The following KCNH1 variants were observed in gnomAD, a reference collection of about 807,000 sequenced individuals.
The protein encoded by KCNH1 is voltage-gated delayed rectifier potassium channel KCNH1.
A neutral mutation model predicts 69.2 loss-of-function variants in KCNH1; 27 were observed. The ratio of observed to expected loss-of-function variants is 0.39; its 90% CI spans 0.29 to 0.54. The LOEUF (loss-of-function observed/expected upper bound fraction) is 0.54, where lower values mean the gene tolerates loss of function less well. Among genes scored for constraint, KCNH1 ranks in the 20% least tolerant of loss-of-function variants. KCNH1 has a pLI of 0.68. For synonymous variants in KCNH1, 456 were observed against 487.7 expected (o/e 0.93, Z 0.86); for missense variants, 798 against 1,261.6 (o/e 0.63, Z 5.57).
chr1:210,719,058 A>T (rs890847278), intron 10 of KCNH1, among the ~76,000 whole-genome samples: 2 of 152,222 alleles, frequency 1.3e-5, no homozygotes, highest in African/African-American at 2.4e-5. Context: ...TGCATTGTCC[A>T]GTATGGTAGC....
intron 4 of KCNH1, among the ~76,000 whole-genome samples, chr1:211,090,251 T>C (rs1326544547): frequency 6.6e-6 from 1 of 152,238 alleles, no homozygotes; most frequent in East Asian, 1.9e-4. Flanking sequence ...ACATTTGTTA[T>C]GTGAAAACTT....
chr1:210,732,571 T>C (rs1682770800), intron 10 of KCNH1, among the ~76,000 whole-genome samples: 1 of 152,218 alleles, frequency 6.6e-6, no homozygotes. Context: ...TTGATCTTCA[T>C]CACAGAGGAG....
At chr1:211,026,705 G>T (rs920255170) in intron 5 of KCNH1, among the ~76,000 whole-genome samples, 2 of 152,178 alleles carry the variant, frequency 1.3e-5, no homozygotes, top group Admixed American at 1.3e-4. Flanking sequence ...GTAATGAGGT[G>T]CCCCTTTCCC....
intron 10 of KCNH1, among the ~76,000 whole-genome samples, chr1:210,752,930 T>C (rs1376611181): frequency 1.3e-5 from 2 of 151,922 alleles, no homozygotes; most frequent in Non-Finnish European, 2.9e-5. Flanking sequence ...GTGTGGGAGA[T>C]TTGAACCCTA....
At chr1:210,699,421 C>T (rs1484075083) in intron 10 of KCNH1, among the ~76,000 whole-genome samples, 3 of 152,284 alleles carry the variant, frequency 2.0e-5, no homozygotes, top group East Asian at 3.9e-4. Flanking sequence ...AGCATGAGTA[C>T]AAGAATGGCC....
At chr1:210,730,165 C>T (rs770636086) in intron 10 of KCNH1, among the ~76,000 whole-genome samples, 49 of 152,278 alleles carry the variant, frequency 3.2e-4, no homozygotes, top group Non-Finnish European at 6.0e-4. Flanking sequence ...CAGTGCCTGG[C>T]CCACAGTAAA....
At chr1:211,018,266 A>G (rs1281155968) in intron 6 of KCNH1, among the ~76,000 whole-genome samples, 1 of 152,212 alleles carries the variant, frequency 6.6e-6, no homozygotes, top group East Asian at 1.9e-4. Flanking sequence ...ACCTCAGTAA[A>G]TGGTTGCCTC....
intron 6 of KCNH1, among the ~76,000 whole-genome samples, chr1:211,008,608 T>C (rs1441260303): frequency 6.6e-6 from 1 of 152,224 alleles, no homozygotes; most frequent in Non-Finnish European, 1.5e-5. Context: ...ACTTCAAGAA[T>C]AGGTAAAACT....
At chr1:211,094,273 C>T (rs1036932941) in intron 3 of KCNH1, among the ~76,000 whole-genome samples, 2 of 152,122 alleles carry the variant, frequency 1.3e-5, no homozygotes, top group Non-Finnish European at 2.9e-5. Flanking sequence ...CTAATGCCAC[C>T]GCTGATCTGA....
At chr1:210,954,501 A>C (rs1200725745) in intron 6 of KCNH1, among the ~76,000 whole-genome samples, 1 of 152,210 alleles carries the variant, frequency 6.6e-6, no homozygotes, top group African/African-American at 2.4e-5. Context: ...CAATGGTTGA[A>C]CTAATTTACA....
At chr1:210,950,509 T>G (rs951683342) in intron 6 of KCNH1, among the ~76,000 whole-genome samples, 1 of 150,834 alleles carries the variant, frequency 6.6e-6, no homozygotes, top group Admixed American at 6.6e-5. Context: ...GAGAATGATG[T>G]TTTCCAATTT....
rs1691246710 is a variant in KCNH1, at chr1:211,100,953, G to A, written c.310+2543C>T. 3.9e-5 allele frequency among the ~76,000 whole-genome samples: 6 copies of A among 152,194 alleles called. No homozygotes were observed. The South Asian group carries it at 1.0e-3, about 26-fold the overall frequency. ...GTCAAAGTTTAAGAAGCATTGGTTT[G>A]TGTCTCTTGAACTCTCAATGCTCTC... On this transcript the variant is annotated intron_variant, in intron 3 of 10. Coordinates refer to ENST00000271751, the MANE Select transcript of KCNH1 (RefSeq NM_172362.3).
At chr1:210,884,805 A>G (rs1686568582) in intron 7 of KCNH1, among the ~76,000 whole-genome samples, 1 of 152,206 alleles carries the variant, frequency 6.6e-6, no homozygotes, top group Non-Finnish European at 1.5e-5. Flanking sequence ...TTGTACCGCG[A>G]TTCCTGAACT....
intron 6 of KCNH1, among the ~76,000 whole-genome samples, chr1:210,995,224 A>C (rs1689006393): frequency 6.6e-6 from 1 of 152,138 alleles, no homozygotes; most frequent in African/African-American, 2.4e-5. Flanking sequence ...GAACAGATTC[A>C]AGAGGCTTAT....
chr1:210,889,967 C>T (rs1686709462), intron 7 of KCNH1, among the ~76,000 whole-genome samples: 3 of 152,138 alleles, frequency 2.0e-5, no homozygotes, highest in African/African-American at 7.2e-5. Context: ...GGCCATACTG[C>T]CCAAAGTAAT....
intron 5 of KCNH1, among the ~76,000 whole-genome samples, chr1:211,034,190 C>T (rs1689852707): frequency 6.6e-6 from 1 of 152,084 alleles, no homozygotes; most frequent in South Asian, 2.1e-4. Context: ...ATCCAAATAT[C>T]CTTCAACAGA....
intron 7 of KCNH1, among the ~76,000 whole-genome samples, chr1:210,905,201 G>T (rs1378613678): frequency 6.6e-6 from 1 of 152,156 alleles, no homozygotes; most frequent in East Asian, 1.9e-4. Flanking sequence ...CTTCCTAGCT[G>T]ATTTTAGGCA....
chr1:210,899,348 CTT>C (rs1245558396), intron 7 of KCNH1, among the ~76,000 whole-genome samples: 2 of 152,098 alleles, frequency 1.3e-5, no homozygotes, highest in Admixed American at 1.3e-4. Context: ...GAACAGCACT[CTT>C]GACACAAAAT....
At chr1:210,977,518 T>C (rs1273949599) in intron 6 of KCNH1, among the ~76,000 whole-genome samples, 2 of 152,130 alleles carry the variant, frequency 1.3e-5, no homozygotes, top group African/African-American at 4.8e-5. Flanking sequence ...GTAACCACCA[T>C]TCTACTCTCT....
Sources: allele counts gnomAD v4.1 joint callset (sites outside exome capture counted in the v4.1 genomes callset), GRCh38; gene constraint gnomAD v4.1.1; transcripts MANE v1.5; gene names NCBI Gene and HGNC (gene_info 2026-07-23, HGNC 2026-07-21).